CCDC149: variants seen among roughly 807,000 people sequenced by gnomAD.
CCDC149 encodes coiled-coil domain-containing protein 149.
CCDC149 carries 45 observed loss-of-function variants against 59.9 expected under a neutral mutation model. That is an observed-to-expected ratio of 0.75 (90% CI 0.59 to 0.96). The LOEUF is 0.96. Ranked by LOEUF, CCDC149 falls within the 40% of genes least tolerant of loss-of-function variation. The pLI is 0.00. For synonymous variants in CCDC149, 245 were observed against 260.6 expected (o/e 0.94, Z 0.58); for missense variants, 584 against 664.7 (o/e 0.88, Z 1.33).
intron 8 of CCDC149, among the ~76,000 whole-genome samples, chr4:24,834,474 TAGG>T (rs1231497303): frequency 2.0e-5 from 3 of 152,138 alleles, no homozygotes; most frequent in African/African-American, 4.8e-5. Flanking sequence ...TTTCAGCAGC[TAGG>T]AGACTTTTCT....
chr4:24,878,260 A>G (rs1350905941), intron 1 of CCDC149, among the ~76,000 whole-genome samples: 1 of 151,990 alleles, frequency 6.6e-6, no homozygotes, highest in Non-Finnish European at 1.5e-5. Flanking sequence ...CTTAGCTTCA[A>G]AAACAAAGGG....
upstream of CCDC149, among the ~76,000 whole-genome samples, chr4:24,916,787 G>GTGTGT (rs1553861266): frequency 2.1e-5 from 3 of 141,922 alleles, no homozygotes; most frequent in Non-Finnish European, 4.6e-5. Context: ...GGTTTATAAT[G>GTGTGT]GTGTGTGTGT....
At chr4:24,950,524 G>GA (rs748692062) in intron 1 of CCDC149, among the ~76,000 whole-genome samples, 32 of 152,188 alleles carry the variant, frequency 2.1e-4, no homozygotes, top group Non-Finnish European at 3.5e-4. Flanking sequence ...CAGAACATTG[G>GA]AAGGGGAGTG....
intron 1 of CCDC149, among the ~76,000 whole-genome samples, chr4:24,951,963 C>T (rs1190512952): frequency 1.3e-5 from 2 of 152,186 alleles, no homozygotes; most frequent in South Asian, 2.1e-4. Context: ...CTGTGAAGGA[C>T]GAGACCTTTT....
At chr4:24,862,907 G>T (rs1718468709) in intron 3 of CCDC149, among the ~76,000 whole-genome samples, 1 of 152,010 alleles carries the variant, frequency 6.6e-6, no homozygotes. Context: ...TTTGTCTTTT[G>T]TCATTTAAGT....
chr4:24,881,223 A>T (rs566728466), intron 1 of CCDC149, among the ~76,000 whole-genome samples: 72 of 152,334 alleles, frequency 4.7e-4, no homozygotes, highest in Middle Eastern at 6.8e-3. Context: ...GTCAATATTC[A>T]TGGCTCTTGC....
chr4:24,934,313 C>G (rs1312988384), intron 1 of CCDC149, among the ~76,000 whole-genome samples: 1 of 152,200 alleles, frequency 6.6e-6, no homozygotes, highest in Non-Finnish European at 1.5e-5. Flanking sequence ...AGGGTTTCCC[C>G]TTTTGCTTGG....
chr4:24,917,349 G>A (rs544704336), upstream of CCDC149, among the ~76,000 whole-genome samples: 255 of 152,324 alleles, frequency 1.7e-3, no homozygotes, highest in African/African-American at 5.5e-3. Context: ...CTGAACTGCC[G>A]CGCTCACAGT....
At chr4:24,836,368 A>T in intron 7 of CCDC149, 68 bp downstream of exon 7, 1 of 1,071,844 alleles carries the variant, frequency 9.3e-7, no homozygotes, top group East Asian at 2.4e-5. Flanking sequence ...CATAGAAGGG[A>T]ATTAAAATAG....
At chr4:24,918,031 C>T (rs1004862357), upstream of CCDC149, among the ~76,000 whole-genome samples, 6 of 151,544 alleles carry the variant, frequency 4.0e-5, no homozygotes, top group African/African-American at 1.2e-4. Context: ...CTGACCCTGT[C>T]GTTCTGGAAG....
At chr4:24,853,691 G>GAA (rs956564269) in intron 3 of CCDC149, among the ~76,000 whole-genome samples, 5 of 151,448 alleles carry the variant, frequency 3.3e-5, no homozygotes, top group African/African-American at 1.2e-4. Flanking sequence ...CAACAACATA[G>GAA]AAAAAGTTTC....
chr4:24,883,025 C>T (rs1265040442), intron 1 of CCDC149, among the ~76,000 whole-genome samples: 1 of 152,188 alleles, frequency 6.6e-6, no homozygotes, highest in East Asian at 1.9e-4. Context: ...CCCCAGCCTC[C>T]TAACTTCCTT....
intron 4 of CCDC149, among the ~76,000 whole-genome samples, chr4:24,848,860 A>G (rs1325673698): frequency 6.6e-6 from 1 of 152,214 alleles, no homozygotes. Flanking sequence ...ATAAGTGCTC[A>G]GTGAAGATGG....
intron 1 of CCDC149, among the ~76,000 whole-genome samples, chr4:24,877,252 C>T (rs1719522473): frequency 1.3e-5 from 2 of 152,126 alleles, no homozygotes; most frequent in South Asian, 4.2e-4. Flanking sequence ...GTGATGTGAT[C>T]TCGGCTTACT....
chr4:24,972,640 C>T (rs1452390749), intron 1 of CCDC149, among the ~76,000 whole-genome samples: 4 of 152,066 alleles, frequency 2.6e-5, no homozygotes, highest in African/African-American at 9.7e-5. Context: ...CCTAAGAGGC[C>T]TGGGGAGTCA....
chr4:24,903,024 C>CAAAAAAAAAAAAAA (rs10646050), intron 1 of CCDC149, among the ~76,000 whole-genome samples: 1 of 52,508 alleles, frequency 1.9e-5, no homozygotes, highest in Non-Finnish European at 3.3e-5. Flanking sequence ...GAGTCTAACT[C>CAAAAAAAAAAAAAA]AAAAAAAAAA....
At chr4:24,809,751 G>T (rs1232582840) in intron 12 of CCDC149, among the ~76,000 whole-genome samples, 1 of 152,204 alleles carries the variant, frequency 6.6e-6, no homozygotes, top group Non-Finnish European at 1.5e-5. Context: ...CCAGGAATGA[G>T]GGGCCCCCAG....
intron 1 of CCDC149, among the ~76,000 whole-genome samples, chr4:24,944,523 C>T (rs558900703): frequency 7.3e-5 from 11 of 149,980 alleles, no homozygotes; most frequent in African/African-American, 2.7e-4. Context: ...ACGTTGTGCA[C>T]ATGTATCCTA....
chr4:24,856,190 A>G lies in CCDC149; in HGVS notation c.265-3011T>C, dbSNP rs568027461. 9.2e-5 allele frequency among the ~76,000 whole-genome samples: 14 copies of G among 152,268 alleles called. No individual in the cohort carries two copies. In the South Asian group the frequency reaches 2.3e-3, roughly 25 times the overall value. On this transcript the variant is annotated intron_variant, in intron 3 of 12. Coordinates refer to ENST00000635206, the MANE Select transcript of CCDC149 (RefSeq NM_001330643.2). The stretch of plus-strand genomic sequence containing the variant: ...CTTGGACACAGCTGACTCCTTTGCA[A>G]TCCTGCCCCTTTATTGTTGATTATT...
Sources: gnomAD v4.1 joint callset for allele counts (sites outside exome capture counted in the v4.1 genomes callset) on GRCh38, gnomAD v4.1.1 for gene constraint, MANE v1.5 for transcripts, NCBI Gene and HGNC (gene_info 2026-07-23, HGNC 2026-07-21) for gene names.